The following CADPS2 variants were observed in gnomAD, a reference collection of about 807,000 sequenced individuals.
CADPS2 encodes calcium dependent secretion activator 2.
CADPS2 carries 93 observed loss-of-function variants against 172.5 expected under a neutral mutation model. The observed-to-expected ratio is 0.54, with a 90% confidence interval of 0.46 to 0.64. The LOEUF (loss-of-function observed/expected upper bound fraction) is 0.64, where lower values mean the gene tolerates loss of function less well. Ranked by LOEUF, CADPS2 falls within the 30% of genes least tolerant of loss-of-function variation. The pLI is 0.00. For missense variants in CADPS2, 1,420 were observed against 1,565.9 expected (o/e 0.91, Z 1.57); for synonymous variants, 546 against 555.2 (o/e 0.98, Z 0.23).
intron 28 of CADPS2, chr7:122,331,998 A>G (rs1417541180): frequency 1.3e-5 from 2 of 152,188 alleles, no homozygotes; most frequent in South Asian, 2.1e-4. Context: ...TGTCATTAGC[A>G]TTTGTGGTCC....
chr7:122,766,356 T>C (rs1176014853), intron 1 of CADPS2, among the ~76,000 whole-genome samples: 3 of 152,156 alleles, frequency 2.0e-5, no homozygotes, highest in African/African-American at 7.2e-5. Context: ...TCTGCATTAT[T>C]TGAACCATAG....
Position 122,513,291 on chromosome 7 carries a change from C to G in CADPS2, c.1500G>C (p.Lys500Asn). Reference sequence around the variant, plus strand: ...AACGTTTTTTCCATCTTTTCCAAACCTTCTGTCCAAGGGCATACAGATATC... The same window carrying G: ...AACGTTTTTTCCATCTTTTCCAAACGTTCTGTCCAAGGGCATACAGATATC... ...HSGYLYALGQ[K>N]VWKRWKKRYF... The change falls in exon 9 of 30, where the codon AAG (lysine) becomes AAC (asparagine). Residue 500 changes from lysine to asparagine, a missense_variant. Lys to Asn is a moderately conservative substitution (Grantham distance 94). Coordinates refer to ENST00000449022, the MANE Select transcript of CADPS2 (RefSeq NM_017954.11). 5.8e-6 allele frequency: 9 copies of G among 1,562,004 alleles called. No homozygotes were observed. The highest frequency in any genetic ancestry group is 6.9e-6 in the Non-Finnish European group (8 of 1,151,764).
chr7:122,603,035 G>A (rs371987006), intron 6 of CADPS2, among the ~76,000 whole-genome samples: 57 of 152,050 alleles, frequency 3.7e-4, no homozygotes, highest in African/African-American at 1.3e-3. Flanking sequence ...ATCCTTTGAC[G>A]GCTACACTTT....
At chr7:122,384,336 G>A (rs1424893730) in intron 24 of CADPS2, among the ~76,000 whole-genome samples, 1 of 151,972 alleles carries the variant, frequency 6.6e-6, no homozygotes, top group Non-Finnish European at 1.5e-5. Flanking sequence ...ATTTTGGAGA[G>A]GTAATTTCTT....
intron 14 of CADPS2, among the ~76,000 whole-genome samples, chr7:122,462,926 T>G (rs2054643187): frequency 6.6e-6 from 1 of 152,120 alleles, no homozygotes; most frequent in Non-Finnish European, 1.5e-5. Flanking sequence ...CCAACCTGTG[T>G]GACATAATGA....
intron 2 of CADPS2, among the ~76,000 whole-genome samples, chr7:122,670,929 T>C (rs892533447): frequency 2.6e-5 from 4 of 151,306 alleles, no homozygotes; most frequent in Non-Finnish European, 4.4e-5. Flanking sequence ...TTATTCTTCC[T>C]TGCTGGATCT....
intron 1 of CADPS2, among the ~76,000 whole-genome samples, chr7:122,864,867 C>T (rs1182352209): frequency 3.3e-5 from 5 of 152,132 alleles, no homozygotes; most frequent in Admixed American, 3.3e-4. Flanking sequence ...ATTGACATTC[C>T]AGCCAGTAAG....
At position 122,471,481 on chromosome 7, in the gene CADPS2, A is replaced by G. The variant is rs756590435; in HGVS notation, c.2080T>C (p.Cys694Arg). The G allele has an allele frequency of 6.2e-7, 1 of 1,613,290 alleles. No individual in the cohort carries two copies. The highest frequency in any genetic ancestry group is 8.5e-7 in the Non-Finnish European group (1 of 1,179,580). ...YGVRGCHRHL[C>R]YLAELMEHSE... ...TGTTCCATCAGTTCTGCAAGGTAGCAGAGATGTCTGTGACAGCCTCTCACA... is the reference window on the plus strand; with the variant it reads ...TGTTCCATCAGTTCTGCAAGGTAGCGGAGATGTCTGTGACAGCCTCTCACA... The change falls in exon 14 of 30, where the codon TGC becomes CGC. Residue 694 changes from cysteine (C) to arginine (R), a missense_variant. Cys to Arg is a radical substitution (Grantham distance 180). Transcript: ENST00000449022.
At chr7:122,777,734 A>C (rs2093929219) in intron 1 of CADPS2, among the ~76,000 whole-genome samples, 1 of 152,034 alleles carries the variant, frequency 6.6e-6, no homozygotes, top group African/African-American at 2.4e-5. Context: ...CCTTGAGAAG[A>C]AGAGCATGTT....
chr7:122,516,197 T>C (rs2060363034), intron 8 of CADPS2, among the ~76,000 whole-genome samples: 1 of 152,116 alleles, frequency 6.6e-6, no homozygotes, highest in Non-Finnish European at 1.5e-5. Context: ...AGCTGCTATT[T>C]CACTGGTATG....
At chr7:122,444,170 T>G (rs1323928139) in intron 15 of CADPS2, among the ~76,000 whole-genome samples, 1 of 152,176 alleles carries the variant, frequency 6.6e-6, no homozygotes, top group African/African-American at 2.4e-5. Context: ...TTTTTATTGG[T>G]GGGTAGTATT....
chr7:122,786,270 CT>C, intron 1 of CADPS2, among the ~76,000 whole-genome samples: 1 of 152,116 alleles, frequency 6.6e-6, no homozygotes, highest in East Asian at 1.9e-4. Context: ...GGTTGTTCTC[CT>C]CATAATGAGC....
chr7:122,561,518 G>T (rs1169296576), intron 7 of CADPS2, among the ~76,000 whole-genome samples: 1 of 152,118 alleles, frequency 6.6e-6, no homozygotes, highest in African/African-American at 2.4e-5. Context: ...AGTAAGATGT[G>T]TCAATCATTC....
In CADPS2 at chr7:122,728,313, T is replaced by C. The variant is rs1161976791; in HGVS notation, c.453+8642A>G. On this transcript the variant is annotated intron_variant, in intron 2 of 29. Transcript: ENST00000449022. ...AAAGCCTGAAAAGGCTCTTAGTTTT[T>C]ACAAAGAAATCAATAAACAACTGCA... Among the ~76,000 whole-genome samples, 5 of 152,016 alleles carry C rather than the reference T, an allele frequency of 3.3e-5. No individual in the cohort carries two copies. The Middle Eastern group carries it at 0.01, about 310-fold the overall frequency.
At chr7:122,658,829 C>G (rs769073014) in intron 3 of CADPS2, among the ~76,000 whole-genome samples, 1 of 151,952 alleles carries the variant, frequency 6.6e-6, no homozygotes, top group Non-Finnish European at 1.5e-5. Context: ...CACATGTATA[C>G]ATATGTAACT....
At chr7:122,450,103 T>G (rs574787011) in intron 15 of CADPS2, among the ~76,000 whole-genome samples, 3 of 152,216 alleles carry the variant, frequency 2.0e-5, no homozygotes, top group South Asian at 4.1e-4. Flanking sequence ...TCAGGAAGAA[T>G]AAGAAGATAA....
chr7:122,710,743 C>T (rs757703448), intron 2 of CADPS2, among the ~76,000 whole-genome samples: 14 of 152,092 alleles, frequency 9.2e-5, no homozygotes, highest in Non-Finnish European at 1.8e-4. Context: ...GCCAAAACCA[C>T]CTGTTCCTAT....
At chr7:122,698,584 A>G (rs1211243128) in intron 2 of CADPS2, 1 of 1,613,914 alleles carries the variant, frequency 6.2e-7, no homozygotes, top group Non-Finnish European at 8.5e-7. Context: ...TTTCTGTGTG[A>G]AGGTACAACC....
chr7:122,361,745 T>C (rs969793011), intron 25 of CADPS2, among the ~76,000 whole-genome samples: 1 of 149,948 alleles, frequency 6.7e-6, no homozygotes, highest in East Asian at 2.0e-4. Flanking sequence ...ATCCTTCAAC[T>C]TTTTCTACAT....
Sources: gnomAD v4.1 joint callset for allele counts (sites outside exome capture counted in the v4.1 genomes callset) on GRCh38, gnomAD v4.1.1 for gene constraint, MANE v1.5 for transcripts, NCBI Gene and HGNC (gene_info 2026-07-23, HGNC 2026-07-21) for gene names.